RNF111: variants seen among roughly 807,000 people sequenced by gnomAD.
RNF111 encodes the protein ring finger protein 111, also known as E3 ubiquitin-protein ligase Arkadia.
Under a neutral mutation model 95.1 loss-of-function variants are expected in RNF111, and 17 were observed. The ratio of observed to expected loss-of-function variants is 0.18; its 90% CI spans 0.12 to 0.27. The LOEUF is 0.27. Among genes scored for constraint, RNF111 ranks in the 10% least tolerant of loss-of-function variants. The probability of loss-of-function intolerance (pLI) is 1.00; values close to 1 mark genes in which losing one functional copy is unlikely to be tolerated. For missense variants in RNF111, 1,189 were observed against 1,210.4 expected (o/e 0.98, Z 0.26); for synonymous variants, 440 against 414.8 (o/e 1.06, Z -0.74).
intron 2 of RNF111, among the ~76,000 whole-genome samples, chr15:59,043,692 A>G (rs767654428): frequency 1.3e-5 from 2 of 152,182 alleles, no homozygotes; most frequent in Non-Finnish European, 2.9e-5. Flanking sequence ...TTCTGTTGGA[A>G]AGATACCAAC....
intron 1 of RNF111, among the ~76,000 whole-genome samples, chr15:59,030,439 A>T (rs1224719923): frequency 6.6e-6 from 1 of 152,152 alleles, no homozygotes; most frequent in South Asian, 2.1e-4. Context: ...TTGAATTCGA[A>T]TCCTTTTATT....
In RNF111 at chr15:59,031,516, A is replaced by C. The variant is rs373913813; in HGVS notation, c.694A>C (p.Ile232Leu). 1 of 1,614,096 alleles carries C rather than the reference A, an allele frequency of 6.2e-7. No individual in the cohort carries two copies. Among genetic ancestry groups the C allele is most frequent in the Non-Finnish European group, 8.5e-7 (1 of 1,180,044 alleles). ...GAGGACACAGAAACAAAAAGAGAGG[A>C]TATTAATGCAGAGGAAGAAACGAGA... ...SQRTQKQKERILMQRKKREVL... is the reference protein window; with the variant it reads ...SQRTQKQKERLLMQRKKREVL... The change falls in exon 2 of 14, where the codon ATA (isoleucine) becomes CTA (leucine). Residue 232 changes from isoleucine (I) to leucine (L), a missense_variant. Around this residue, in one of 2 missense-constraint regions of RNF111, gnomAD observed 1,024 missense variants for 925.9 expected, o/e 1.11. Coordinates refer to ENST00000348370, the MANE Select transcript of RNF111 (RefSeq NM_017610.8).
intron 1 of RNF111, among the ~76,000 whole-genome samples, chr15:58,989,469 A>G (rs1207420422): frequency 6.6e-6 from 1 of 152,222 alleles, no homozygotes; most frequent in Non-Finnish European, 1.5e-5. Flanking sequence ...ATAATATTTT[A>G]GGAAAAAGTA....
chr15:59,017,064 A>T (rs1225053677), intron 1 of RNF111, among the ~76,000 whole-genome samples: 1 of 151,974 alleles, frequency 6.6e-6, no homozygotes, highest in Non-Finnish European at 1.5e-5. Flanking sequence ...GGTGAATTGT[A>T]TAATATTATA....
intron 2 of RNF111, among the ~76,000 whole-genome samples, chr15:59,044,543 C>G (rs557549248): frequency 7.2e-5 from 11 of 152,080 alleles, no homozygotes; most frequent in Non-Finnish European, 1.0e-4. Context: ...TACTCATATT[C>G]TTTCTGGCCT....
At chr15:59,066,726 A>AC in intron 5 of RNF111, 38 bp from the exon 6 acceptor site, 1 of 1,516,222 alleles carries the variant, frequency 6.6e-7, no homozygotes, top group Non-Finnish European at 9.1e-7. Flanking sequence ...GTGATATTTC[A>AC]TGATTTGATT....
chr15:59,092,605 C>T lies in RNF111; in HGVS notation c.2808C>T (p.Ile936=), dbSNP rs775933684. The T allele has an allele frequency of 2.5e-6, 4 of 1,612,348 alleles. No individual in the cohort carries two copies. Among genetic ancestry groups the T allele is most frequent in the South Asian group, 2.2e-5 (2 of 90,878 alleles). The change falls in exon 13 of 14, where the codon ATC becomes ATT. Residue 936 remains isoleucine (I), a synonymous_variant. Coordinates refer to ENST00000348370, the MANE Select transcript of RNF111 (RefSeq NM_017610.8). ...AAGACACAGAGGAAAAATGTACTATCTGTTTGTCTATTTTAGAGGAAGGTG... is the reference window on the plus strand; with the variant it reads ...AAGACACAGAGGAAAAATGTACTATTTGTTTGTCTATTTTAGAGGAAGGTG... ...TEEDTEEKCT[I]CLSILEEGED...
intron 2 of RNF111, among the ~76,000 whole-genome samples, chr15:59,038,116 A>G (rs528854418): frequency 3.3e-5 from 5 of 152,254 alleles, no homozygotes; most frequent in African/African-American, 1.2e-4. Context: ...TATTCACACA[A>G]CCATCGTAGA....
At position 59,043,051 on chromosome 15, in the gene RNF111, A is replaced by G. The variant is rs531199466; in HGVS notation, c.881-9254A>G. ...GTTGATGTCTAGTTTTGTATCTTGC[A>G]GAGAGCGTTTTATGTTCTTTTAAAA... On this transcript the variant is annotated intron_variant, in intron 2 of 13. Transcript: ENST00000348370. 1.9e-4 allele frequency among the ~76,000 whole-genome samples: 29 copies of G among 152,292 alleles called. 2 individuals carry two copies. In the South Asian group the frequency reaches 5.2e-3, roughly 27 times the overall value.
intron 9 of RNF111, among the ~76,000 whole-genome samples, chr15:59,084,742 C>G (rs561994226): frequency 6.6e-6 from 1 of 152,176 alleles, no homozygotes; most frequent in Admixed American, 6.5e-5. Flanking sequence ...TTGTACCCAT[C>G]GACCAGCATC....
At chr15:59,070,255 T>C (rs1248720460) in intron 6 of RNF111, among the ~76,000 whole-genome samples, 1 of 151,956 alleles carries the variant, frequency 6.6e-6, no homozygotes, top group Non-Finnish European at 1.5e-5. Context: ...TTGCTTACCC[T>C]TGATTGTCCT....
Position 59,027,933 on chromosome 15 carries a change from C to T in RNF111, c.-19-2871C>T, listed in dbSNP as rs550504581. Among the ~76,000 whole-genome samples the T allele has an allele frequency of 5.3e-5, 8 of 151,428 alleles. No homozygotes were observed. The East Asian group carries it at 1.6e-3, about 30-fold the overall frequency. On this transcript the variant is annotated intron_variant, in intron 1 of 13. Transcript: ENST00000348370. Reference sequence around the variant, plus strand: ...CTCTGCCTCCCTGGTTCAAGCAATTCTCCTGCCTCAGCCTCCTGAGTAGCT... The same window carrying T: ...CTCTGCCTCCCTGGTTCAAGCAATTTTCCTGCCTCAGCCTCCTGAGTAGCT...
intron 8 of RNF111, 34 bp from the exon 9 acceptor site, chr15:59,084,095 T>C: frequency 6.5e-7 from 1 of 1,545,122 alleles, no homozygotes; most frequent in Non-Finnish European, 8.7e-7. Flanking sequence ...TATTCAATTA[T>C]TTCCAGTGGT....
intron 6 of RNF111, among the ~76,000 whole-genome samples, chr15:59,075,513 A>T (rs546527147): frequency 6.6e-6 from 1 of 152,244 alleles, no homozygotes; most frequent in African/African-American, 2.4e-5. Context: ...GGCAGACAAG[A>T]TTTTTCCTAG....
chr15:59,067,125 G>T lies in RNF111; in HGVS notation c.1686+42G>T, dbSNP rs763550088. 3 of 1,449,330 alleles carry T rather than the reference G, an allele frequency of 2.1e-6. No individual in the cohort carries two copies. In the African/African-American group the frequency reaches 4.2e-5, roughly 20 times the overall value. The allele number at this position is 1,449,330 out of a possible 1,614,324, so 89.8% of individuals were successfully genotyped here. On this transcript the variant is annotated intron_variant, in intron 6 of 13. Transcript: ENST00000348370. The stretch of plus-strand genomic sequence containing the variant: ...TCAGTCTTTCTTTCCTGCCCCTCTT[G>T]TCTCTCTCTCTCTCTCCTTCTCCCT...
intron 2 of RNF111, among the ~76,000 whole-genome samples, chr15:59,041,209 T>C (rs773049569): frequency 2.6e-5 from 4 of 152,226 alleles, no homozygotes; most frequent in Non-Finnish European, 4.4e-5. Context: ...CAGTCTCCTA[T>C]TGATGAACAG....
intron 6 of RNF111, among the ~76,000 whole-genome samples, chr15:59,074,471 C>CT (rs1430888232): frequency 1.3e-5 from 2 of 152,204 alleles, no homozygotes; most frequent in African/African-American, 4.8e-5. Flanking sequence ...TCTCCTTGCA[C>CT]TTTTATCTTA....
At chr15:59,022,167 C>T (rs1384787012) in intron 1 of RNF111, among the ~76,000 whole-genome samples, 1 of 152,042 alleles carries the variant, frequency 6.6e-6, no homozygotes, top group African/African-American at 2.4e-5. Flanking sequence ...GCCAAGCTTC[C>T]TATAAAATAT....
chr15:59,042,000 A>G (rs1266504221), intron 2 of RNF111, among the ~76,000 whole-genome samples: 1 of 130,818 alleles, frequency 7.6e-6, no homozygotes, highest in Non-Finnish European at 1.6e-5. Context: ...ATATCAGGAT[A>G]CTGGTCTTCA....
Sources: allele counts gnomAD v4.1 joint callset (sites outside exome capture counted in the v4.1 genomes callset), GRCh38; gene constraint gnomAD v4.1.1; regional missense constraint gnomAD v4.1.1; transcripts MANE v1.5; gene names NCBI Gene and HGNC (gene_info 2026-07-23, HGNC 2026-07-21).